NBEA: variants seen among roughly 807,000 people sequenced by gnomAD.
NBEA encodes lysosomal-trafficking regulator 2.
NBEA carries 44 observed loss-of-function variants against 343.4 expected under a neutral mutation model. The observed-to-expected ratio is 0.13, with a 90% CI of 0.10 to 0.16. NBEA has a LOEUF of 0.16. NBEA is among the 10% of genes least tolerant of loss of function. The pLI, the probability that NBEA is intolerant of heterozygous loss-of-function variation, is 1.00. For missense variants in NBEA, 2,555 were observed against 3,631.3 expected (o/e 0.70, Z 7.62); for synonymous variants, 1,175 against 1,238.7 (o/e 0.95, Z 1.08).
chr13:35,290,279 C>A (rs2035718799), intron 34 of NBEA, 110 bp from the exon 35 acceptor site: 3 of 660,304 alleles, frequency 4.5e-6, no homozygotes, highest in East Asian at 6.1e-5. Flanking sequence ...CTTAGGAATT[C>A]TATTTAAAAG....
In NBEA at chr13:35,175,082, G is replaced by A. The variant is rs139097068; in HGVS notation, c.4554+1488G>A. 6.2e-3 allele frequency among the ~76,000 whole-genome samples: 946 copies of A among 152,126 alleles called. 11 individuals are homozygous for A. Among genetic ancestry groups the A allele is most frequent in the African/African-American group, 0.021 (884 of 41,516 alleles). On this transcript the variant is annotated intron_variant, in intron 27 of 58. Coordinates refer to ENST00000379939, the MANE Select transcript of NBEA (RefSeq NM_001385012.1). Reference sequence around the variant, plus strand: ...TGGGATTACAGGCATGAGCCACCACGCCCGGCCACTTCAGAGTATTTATAG... The same window carrying A: ...TGGGATTACAGGCATGAGCCACCACACCCGGCCACTTCAGAGTATTTATAG...
At chr13:35,124,581 T>TACATACACATATATATGGATATATATAC (rs1283159558) in intron 17 of NBEA, among the ~76,000 whole-genome samples, 49 of 150,164 alleles carry the variant, frequency 3.3e-4, no homozygotes, top group Non-Finnish European at 5.2e-4. Context: ...GATATATATA[T>TACATACACATATATATGGATATATATAC]ACATACACAT....
intron 41 of NBEA, among the ~76,000 whole-genome samples, chr13:35,549,055 A>C (rs1422283724): frequency 6.6e-6 from 1 of 152,186 alleles, no homozygotes; most frequent in African/African-American, 2.4e-5. Flanking sequence ...ATTGTTTTTC[A>C]AAATACTGTA....
chr13:35,347,912 A>T (rs1230541109), intron 36 of NBEA, among the ~76,000 whole-genome samples: 2 of 152,054 alleles, frequency 1.3e-5, no homozygotes, highest in African/African-American at 2.4e-5. Context: ...AATGTGCTCC[A>T]TGTGATGTGG....
intron 47 of NBEA, among the ~76,000 whole-genome samples, chr13:35,600,304 A>G (rs530565430): frequency 5.9e-5 from 9 of 152,312 alleles, no homozygotes; most frequent in African/African-American, 1.9e-4. Flanking sequence ...TGAGTGACTG[A>G]TGTCCCACAC....
chr13:35,053,225 G>A (rs1210393622), intron 6 of NBEA, among the ~76,000 whole-genome samples: 1 of 151,954 alleles, frequency 6.6e-6, no homozygotes, highest in African/African-American at 2.4e-5. Flanking sequence ...ACCACATTAT[G>A]CAAAAAACAA....
chr13:35,563,095 T>C (rs1036136952), intron 44 of NBEA, among the ~76,000 whole-genome samples: 6 of 151,030 alleles, frequency 4.0e-5, no homozygotes, highest in Non-Finnish European at 8.9e-5. Flanking sequence ...CTTATAAGCA[T>C]AGTTAGCAAA....
chr13:34,979,456 G>T (rs2060284671), intron 1 of NBEA, among the ~76,000 whole-genome samples: 1 of 151,960 alleles, frequency 6.6e-6, no homozygotes, highest in African/African-American at 2.4e-5. Flanking sequence ...GGAGGCAGAG[G>T]TTGCAGTGAG....
chr13:34,993,845 A>G (rs1184458721), intron 1 of NBEA, among the ~76,000 whole-genome samples: 2 of 152,160 alleles, frequency 1.3e-5, no homozygotes, highest in Non-Finnish European at 2.9e-5. Flanking sequence ...AATTTTGATT[A>G]TGGTTCTTTT....
At chr13:35,606,339 T>G in intron 47 of NBEA, 87 bp from the exon 48 acceptor site, 2 of 653,738 alleles carry the variant, frequency 3.1e-6, no homozygotes, top group Non-Finnish European at 4.5e-6. Flanking sequence ...TTTTATTCCA[T>G]TTATAGTTAA....
chr13:35,110,052 A>ATTTTTTTTTTTTTTTTTTTTT (rs1566299499), intron 12 of NBEA, among the ~76,000 whole-genome samples: 4 of 89,240 alleles, frequency 4.5e-5, no homozygotes, highest in African/African-American at 8.3e-5. Flanking sequence ...TTTTTTTTTT[A>ATTTTTTTTTTTTTTTTTTTTT]AATGTTTTTT....
At chr13:35,131,076 A>G (rs1160728069) in intron 17 of NBEA, among the ~76,000 whole-genome samples, 2 of 152,132 alleles carry the variant, frequency 1.3e-5, no homozygotes, top group Admixed American at 1.3e-4. Context: ...TACCTCATTA[A>G]TTGTCAGCCT....
chr13:34,950,824 C>T (rs1028115197), intron 1 of NBEA, among the ~76,000 whole-genome samples: 1 of 152,050 alleles, frequency 6.6e-6, no homozygotes, highest in African/African-American at 2.4e-5. Flanking sequence ...CATGGTGGCT[C>T]ATGCCTGTAA....
intron 36 of NBEA, among the ~76,000 whole-genome samples, chr13:35,322,458 C>T (rs2152841514): frequency 6.6e-6 from 1 of 152,246 alleles, no homozygotes; most frequent in South Asian, 2.1e-4. Flanking sequence ...TCACCCACTG[C>T]CTAGTCATCC....
At chr13:35,094,076 T>A (rs889230692) in intron 10 of NBEA, among the ~76,000 whole-genome samples, 1 of 151,952 alleles carries the variant, frequency 6.6e-6, no homozygotes, top group Non-Finnish European at 1.5e-5. Context: ...TTTCAAGCAC[T>A]TTTTTATACT....
intron 38 of NBEA, among the ~76,000 whole-genome samples, chr13:35,432,017 A>G (rs2045147576): frequency 6.6e-6 from 1 of 152,150 alleles, no homozygotes; most frequent in Admixed American, 6.5e-5. Flanking sequence ...GTTTTAAAAA[A>G]TAAAAAGCAG....
chr13:35,643,229 T>A (rs2084053808), intron 49 of NBEA, among the ~76,000 whole-genome samples: 1 of 152,074 alleles, frequency 6.6e-6, no homozygotes, highest in Non-Finnish European at 1.5e-5. Flanking sequence ...AAAAGTCTCT[T>A]TCCTAAGAAC....
Position 35,486,478 on chromosome 13 carries a change from G to C in NBEA, c.6585+13942G>C, listed in dbSNP as rs560196417. On this transcript the variant is annotated intron_variant, in intron 41 of 58. Coordinates refer to ENST00000379939, the MANE Select transcript of NBEA (RefSeq NM_001385012.1). The stretch of plus-strand genomic sequence containing the variant: ...GGGAAAGATGGGTGACAAGGAACAG[G>C]GACCAATATTTAATGAGTATTTAAT... Among the ~76,000 whole-genome samples, 5 of 151,850 alleles carry C rather than the reference G, an allele frequency of 3.3e-5. No individual in the cohort carries two copies. The East Asian group carries it at 9.7e-4, about 29-fold the overall frequency.
At chr13:35,555,256 C>T (rs758204815) in intron 44 of NBEA, among the ~76,000 whole-genome samples, 154 bp downstream of exon 44, 28 of 152,100 alleles carry the variant, frequency 1.8e-4, no homozygotes, top group African/African-American at 6.8e-4. Context: ...AGAAACTGTG[C>T]AAGCTCATAC....
Sources: allele counts gnomAD v4.1 joint callset (sites outside exome capture counted in the v4.1 genomes callset), GRCh38; gene constraint gnomAD v4.1.1; transcripts MANE v1.5; gene names NCBI Gene and HGNC (gene_info 2026-07-23, HGNC 2026-07-21).